CRYL1: variants seen among roughly 807,000 people sequenced by gnomAD.
CRYL1 encodes the protein crystallin lambda 1.
A neutral mutation model predicts 36.6 loss-of-function variants in CRYL1; 29 were observed. That is an observed-to-expected ratio of 0.79 (90% CI 0.59 to 1.08). The LOEUF (loss-of-function observed/expected upper bound fraction) is 1.08. CRYL1 is among the 50% of genes least tolerant of loss of function. The pLI, the probability that CRYL1 is intolerant of heterozygous loss-of-function variation, is 0.00. For missense variants in CRYL1, 411 were observed against 407.9 expected, an observed-to-expected ratio of 1.01 and a Z score of -0.06; for synonymous variants, 152 against 151.5, an observed-to-expected ratio of 1.00 and a Z score of -0.02.
chr13:20,510,917 A>C (rs891699769), intron 2 of CRYL1, among the ~76,000 whole-genome samples: 23 of 152,160 alleles, frequency 1.5e-4, no homozygotes, highest in Non-Finnish European at 2.2e-4. Context: ...GGCAAAAAAA[A>C]AGACTGTGTC....
At chr13:20,420,248 G>A (rs921262977) in intron 5 of CRYL1, among the ~76,000 whole-genome samples, 18 of 152,190 alleles carry the variant, frequency 1.2e-4, no homozygotes, top group Admixed American at 7.2e-4. Context: ...TCAGCGCTCC[G>A]GGGAAAGAAG....
rs879609604 is a variant in CRYL1, at chr13:20,415,924, C to G, written c.634-2537G>C. 3.9e-5 allele frequency among the ~76,000 whole-genome samples: 6 copies of G among 152,226 alleles called. No individual in the cohort carries two copies. Among genetic ancestry groups the G allele is most frequent in the Non-Finnish European group, 8.8e-5 (6 of 68,038 alleles). Reference sequence around the variant, plus strand: ...GCGTCATGTGTCCATCTCCTTGATGCAGAGATATGAGTTTAGTCATCCACC... The same window carrying G: ...GCGTCATGTGTCCATCTCCTTGATGGAGAGATATGAGTTTAGTCATCCACC... On this transcript the variant is annotated intron_variant, in intron 5 of 7. Coordinates refer to ENST00000298248, the MANE Select transcript of CRYL1 (RefSeq NM_015974.3). This position sits in a 1 kb window ranked among gnomAD's most constrained non-coding sequence, Gnocchi z 4.1.
intron 3 of CRYL1, among the ~76,000 whole-genome samples, chr13:20,464,413 A>G (rs1398537760): frequency 1.3e-5 from 2 of 152,176 alleles, no homozygotes; most frequent in Non-Finnish European, 2.9e-5. Flanking sequence ...TAAATACAAT[A>G]CAATAAAATA....
intron 3 of CRYL1, among the ~76,000 whole-genome samples, chr13:20,467,513 C>G (rs2032963074): frequency 6.6e-6 from 1 of 151,952 alleles, no homozygotes; most frequent in Non-Finnish European, 1.5e-5. Context: ...ATTGAAAATG[C>G]TATGAGGTTC....
chr13:20,422,973 T>C (rs2031854876), intron 5 of CRYL1, among the ~76,000 whole-genome samples: 1 of 152,216 alleles, frequency 6.6e-6, no homozygotes, highest in Non-Finnish European at 1.5e-5. Context: ...ATCAGTGTAA[T>C]TATAGTTGTC....
chr13:20,489,723 G>A (rs775116604), intron 2 of CRYL1, among the ~76,000 whole-genome samples: 4 of 152,166 alleles, frequency 2.6e-5, no homozygotes, highest in Non-Finnish European at 4.4e-5. Context: ...TGGTGCAACC[G>A]CTATGGAAAA....
At chr13:20,487,737 CT>C (rs1163256580) in intron 3 of CRYL1, among the ~76,000 whole-genome samples, 1 of 152,016 alleles carries the variant, frequency 6.6e-6, no homozygotes, top group East Asian at 1.9e-4. Flanking sequence ...CAAGATCACA[CT>C]ACTGAACTCC....
At chr13:20,421,574 G>A (rs1431293611) in intron 5 of CRYL1, among the ~76,000 whole-genome samples, 1 of 152,122 alleles carries the variant, frequency 6.6e-6, no homozygotes, top group Non-Finnish European at 1.5e-5. Context: ...AGGGAAGAGG[G>A]ATGCAGTGTC....
intron 3 of CRYL1, among the ~76,000 whole-genome samples, chr13:20,454,973 T>A (rs1410348372): frequency 1.3e-5 from 2 of 152,110 alleles, no homozygotes; most frequent in Non-Finnish European, 2.9e-5. Context: ...AAGAGAAAGA[T>A]ATAAAAAGCA....
chr13:20,502,601 G>A (rs980053673), intron 2 of CRYL1: 5 of 152,196 alleles, frequency 3.3e-5, no homozygotes, highest in African/African-American at 9.7e-5. Context: ...CTTGCAGTGA[G>A]CCGAGATCAC....
At position 20,435,701 on chromosome 13, in the gene CRYL1, G is replaced by A. The variant is rs1213653034; in HGVS notation, c.439-3405C>T. Among the ~76,000 whole-genome samples the A allele has an allele frequency of 6.6e-6, 1 of 152,178 alleles. No homozygotes were observed. The highest frequency in any genetic ancestry group is 1.9e-4 in the East Asian group (1 of 5,180). On this transcript the variant is annotated intron_variant, in intron 4 of 7. Coordinates refer to ENST00000298248, the MANE Select transcript of CRYL1 (RefSeq NM_015974.3). The surrounding 1 kb of genome is among the most constrained non-coding windows in gnomAD (Gnocchi z 4.0). ...GATACAACGGCAGCGCAGCGCAGGG[G>A]CCTGGGCCTGCGCAGGCCGGCGGAG...
intron 3 of CRYL1, among the ~76,000 whole-genome samples, chr13:20,470,033 G>A (rs1040870189): frequency 4.6e-5 from 7 of 152,340 alleles, no homozygotes; most frequent in Non-Finnish European, 8.8e-5. Flanking sequence ...TCGACAGTGC[G>A]ATCACCTGGA....
rs866112528 is a variant in CRYL1 at position 20,497,400 on chromosome 13, A to G, written c.150-7904T>C. 1.7e-3 allele frequency among the ~76,000 whole-genome samples: 99 copies of G among 57,114 alleles called. 4 individuals are homozygous for G. The highest frequency in any genetic ancestry group is 6.9e-3 in the African/African-American group (91 of 13,258). The allele number at this position is 57,114 out of a possible 152,430, so 37.5% of individuals were successfully genotyped here. ...CACCGCATATACACACTACACACAC[A>G]CCACCACACACACAACTACACACAC... On this transcript the variant is annotated intron_variant, in intron 2 of 7. Coordinates refer to ENST00000298248, the MANE Select transcript of CRYL1 (RefSeq NM_015974.3).
At chr13:20,501,458 G>C (rs756036177) in intron 2 of CRYL1, among the ~76,000 whole-genome samples, 1 of 152,172 alleles carries the variant, frequency 6.6e-6, no homozygotes, top group Admixed American at 6.5e-5. Context: ...AGCTTCCTGA[G>C]GAATAAAGGG....
rs775471823 is a variant in CRYL1, at chr13:20,432,249, C to CACAG, written c.485_486insCTGT (p.Glu163CysfsTer57). On this transcript the variant is annotated frameshift_variant, in exon 5 of 8. Transcript: ENST00000298248. LOFTEE classifies it high-confidence loss of function. ...TGTCCACTGTCGTAGGGGCCGTCTC[C>CACAG]GGGTGGGGGACCAGCTCAACCAGCG... 10 of 1,613,232 alleles carry CACAG rather than the reference C, an allele frequency of 6.2e-6. No homozygotes were observed. Among genetic ancestry groups the CACAG allele is most frequent in the Non-Finnish European group, 6.8e-6 (8 of 1,179,776 alleles).
In CRYL1 at chr13:20,413,182, G is replaced by A. The variant is rs555100322; in HGVS notation, c.739+100C>T. The A allele has an allele frequency of 1.7e-4, 122 of 738,246 alleles. 1 individual carries two copies. Among genetic ancestry groups the A allele is most frequent in the Middle Eastern group, 1.4e-3 (6 of 4,162 alleles). 45.7% of individuals were successfully genotyped at this position (738,246 alleles called of 1,614,324 possible). A position where few individuals can be genotyped will look rare whatever the true frequency, so the allele number is the denominator to read the frequency against. The stretch of plus-strand genomic sequence containing the variant: ...GGCTGGCCATCATCTCCTATATACT[G>A]TCTCTATTCAGTTGTAAGAAAAGGC... On this transcript the variant is annotated intron_variant, in intron 6 of 7. Coordinates refer to ENST00000298248, the MANE Select transcript of CRYL1 (RefSeq NM_015974.3).
intron 7 of CRYL1, 25 bp downstream of exon 7, chr13:20,404,610 A>G (rs1174557237): frequency 1.4e-6 from 2 of 1,472,064 alleles, no homozygotes; most frequent in Non-Finnish European, 9.5e-7. Flanking sequence ...GCTTCTCTGC[A>G]GTGAGTTGCA....
intron 3 of CRYL1, among the ~76,000 whole-genome samples, chr13:20,480,884 A>G (rs2137460213): frequency 6.6e-6 from 1 of 152,362 alleles, no homozygotes; most frequent in Non-Finnish European, 1.5e-5. Flanking sequence ...AAGAAGATAA[A>G]TACATAATTA....
intron 1 of CRYL1, 64 bp from the exon 2 acceptor site, chr13:20,512,614 C>A: frequency 8.2e-7 from 1 of 1,213,194 alleles, no homozygotes; most frequent in Non-Finnish European, 1.2e-6. Flanking sequence ...TCATTCCTAA[C>A]CCAGAATGAG....
Sources: allele counts gnomAD v4.1 joint callset (sites outside exome capture counted in the v4.1 genomes callset), GRCh38; gene constraint gnomAD v4.1.1; non-coding constraint Gnocchi (gnomAD v3.1); transcripts MANE v1.5; gene names NCBI Gene and HGNC (gene_info 2026-07-23, HGNC 2026-07-21).